The following WASF3 variants were observed in gnomAD, a reference collection of about 807,000 sequenced individuals.
WASF3 encodes the protein WASP family member 3, also known as actin-binding protein WASF3.
WASF3 carries 11 observed loss-of-function variants against 46.6 expected under a neutral mutation model. That is an observed-to-expected ratio of 0.24 (90% CI 0.15 to 0.39). WASF3 has a LOEUF of 0.39. WASF3 is among the 10% of genes least tolerant of loss of function. The pLI is 1.00. For missense variants in WASF3, 576 were observed against 669.8 expected, an observed-to-expected ratio of 0.86 and a Z score of 1.55; for synonymous variants, 242 against 259.7, an observed-to-expected ratio of 0.93 and a Z score of 0.65.
intron 1 of WASF3, among the ~76,000 whole-genome samples, chr13:26,600,838 C>T (rs999352619): frequency 3.3e-5 from 5 of 152,232 alleles, no homozygotes; most frequent in African/African-American, 1.2e-4. Context: ...TCCCTACACA[C>T]CCTCTCTCCA....
chr13:26,559,129 C>G (rs531766118), intron 1 of WASF3, among the ~76,000 whole-genome samples: 3 of 152,276 alleles, frequency 2.0e-5, no homozygotes, highest in Admixed American at 6.5e-5. Context: ...TTGACCTTTC[C>G]CAAAGGCATT....
intron 1 of WASF3, among the ~76,000 whole-genome samples, chr13:26,607,435 G>A (rs1880832048): frequency 6.6e-6 from 1 of 152,090 alleles, no homozygotes; most frequent in African/African-American, 2.4e-5. Context: ...GCAAAAAAAA[G>A]GCTGAAGAAA....
intron 9 of WASF3, among the ~76,000 whole-genome samples, chr13:26,684,887 A>G (rs1173652102): frequency 1.3e-5 from 2 of 152,202 alleles, no homozygotes; most frequent in African/African-American, 2.4e-5. Context: ...AATGGATACC[A>G]TCTTGGGCAA....
rs186425567 is a variant in WASF3 at position 26,590,121 on chromosome 13, T to C, written c.-108-22840T>C. On this transcript the variant is annotated intron_variant, in intron 1 of 9. Transcript: ENST00000335327. The stretch of plus-strand genomic sequence containing the variant: ...TAATATGCTTTGTCAGTCCTCAGTT[T>C]GTAAGACATTGTCAGAATGTTCTTG... Among the ~76,000 whole-genome samples the C allele has an allele frequency of 2.5e-3, 386 of 152,346 alleles. 2 individuals carry two copies. Among genetic ancestry groups the C allele is most frequent in the African/African-American group, 8.8e-3 (365 of 41,582 alleles).
intron 2 of WASF3, among the ~76,000 whole-genome samples, chr13:26,637,618 T>G (rs1383872143): frequency 2.0e-5 from 3 of 152,236 alleles, no homozygotes; most frequent in Non-Finnish European, 4.4e-5. Flanking sequence ...ATGCAGGGCA[T>G]TAGTACAATT....
At chr13:26,641,444 C>G (rs977871531) in intron 2 of WASF3, 2 of 152,210 alleles carry the variant, frequency 1.3e-5, no homozygotes, top group African/African-American at 2.4e-5. Flanking sequence ...GCGTGCCACA[C>G]AGAAAGCCAA....
chr13:26,602,560 G>A (rs1880672675), intron 1 of WASF3, among the ~76,000 whole-genome samples: 2 of 152,136 alleles, frequency 1.3e-5, no homozygotes, highest in Non-Finnish European at 2.9e-5. Context: ...TGCTGTGTTT[G>A]TCAGTTTTGT....
chr13:26,611,453 T>C (rs1880975537), intron 1 of WASF3, among the ~76,000 whole-genome samples: 2 of 152,228 alleles, frequency 1.3e-5, no homozygotes, highest in African/African-American at 4.8e-5. Context: ...AACACGTGAT[T>C]CTTAAACATA....
At chr13:26,649,359 A>AT (rs1882244189) in intron 3 of WASF3, among the ~76,000 whole-genome samples, 1 of 152,214 alleles carries the variant, frequency 6.6e-6, no homozygotes, top group Non-Finnish European at 1.5e-5. Context: ...GATGACCCCA[A>AT]TTTTGGAAAT....
intron 4 of WASF3, 56 bp downstream of exon 4, chr13:26,665,218 A>G: frequency 4.4e-6 from 7 of 1,588,718 alleles, no homozygotes; most frequent in Non-Finnish European, 5.1e-6. Context: ...GATGGTAGTA[A>G]TTAATTGCAG....
upstream of WASF3, among the ~76,000 whole-genome samples, chr13:26,557,448 G>A (rs1879124542): frequency 6.6e-6 from 1 of 152,220 alleles, no homozygotes; most frequent in Admixed American, 6.5e-5. Context: ...AAAGGACGCT[G>A]CCTAAGCCTC....
chr13:26,655,687 C>T (rs1187268322), intron 3 of WASF3, among the ~76,000 whole-genome samples: 1 of 152,146 alleles, frequency 6.6e-6, no homozygotes, highest in Non-Finnish European at 1.5e-5. Flanking sequence ...CATTCTGCTG[C>T]AAATGCTTTC....
rs1404419371 is a variant in WASF3, at chr13:26,682,940, T to C, written c.1317T>C (p.Asp439=). 1 of 1,608,456 alleles carries C rather than the reference T, an allele frequency of 6.2e-7. No homozygotes were observed. The highest frequency in any genetic ancestry group is 1.1e-5 in the South Asian group (1 of 91,070). Residue 439 remains aspartate, a synonymous_variant, in exon 9 of 10, where the codon GAT becomes GAC. Transcript: ENST00000335327. The surrounding 1 kb of genome is among the most constrained non-coding windows in gnomAD (Gnocchi z 4.4). The part of the protein sequence containing the change: ...RQEPAQPPIS[D]ARSDLLAAIR... ...AGCCTGCACAGCCACCAATCAGTGA[T>C]GCTCGAAGCGACCTCCTCGCTGCTA...
At chr13:26,675,473 GACACACATACACACAC>G (rs1209706070) in intron 6 of WASF3, among the ~76,000 whole-genome samples, 2 of 80,176 alleles carry the variant, frequency 2.5e-5, no homozygotes, top group Non-Finnish European at 4.6e-5. Context: ...TTCCAGACTA[GACACACATACACACAC>G]ACACACACAC....
rs1566077041 is a variant in WASF3, at chr13:26,685,912, A to T, written c.*67A>T. Reference sequence around the variant, plus strand: ...GATTTTAAGTGGTCTCTACACCCAAATAGTGGTATTCTAATCCCGTAGCAT... The same window carrying T: ...GATTTTAAGTGGTCTCTACACCCAATTAGTGGTATTCTAATCCCGTAGCAT... On this transcript the variant is annotated 3_prime_UTR_variant, in exon 10 of 10. Transcript: ENST00000335327. 1.3e-6 allele frequency: 2 copies of T among 1,574,916 alleles called. No individual in the cohort carries two copies. The highest frequency in any genetic ancestry group is 4.5e-5 in the East Asian group (2 of 43,984).
intron 1 of WASF3, among the ~76,000 whole-genome samples, chr13:26,559,826 T>TCTTTCTTTCTTTCTTTC (rs1240300106): frequency 1.5e-5 from 2 of 129,390 alleles, no homozygotes; most frequent in African/African-American, 2.8e-5. Context: ...TTTTTTTTTT[T>TCTTTCTTTCTTTCTTTC]TTTTTTTTGA....
intron 2 of WASF3, chr13:26,640,318 G>A (rs182905335): frequency 6.6e-6 from 1 of 152,198 alleles, no homozygotes; most frequent in East Asian, 1.9e-4. Flanking sequence ...ATTGTATGAA[G>A]ATGAGGCTGG....
At chr13:26,547,893 C>T in the WASF3 span, among the ~76,000 whole-genome samples, 1 of 152,096 alleles carries the variant, frequency 6.6e-6, no homozygotes, top group Non-Finnish European at 1.5e-5. Context: ...GGGCATGGGC[C>T]TGTTGGGTGA....
In WASF3 at chr13:26,671,989, G is replaced by GGTA; in HGVS notation, c.540+1_540+3dup. ...AAAGGAAAGAGAAAAGGCGTCAAAA[G>GGTA]GTAAATAATTTCAGTATGGGAAATG... On this transcript the variant is annotated inframe_insertion and splice_region_variant. Coordinates refer to ENST00000335327, the MANE Select transcript of WASF3 (RefSeq NM_006646.6). The GGTA allele has an allele frequency of 6.3e-7, 1 of 1,592,190 alleles. No individual in the cohort carries two copies.
Sources: allele counts gnomAD v4.1 joint callset (sites outside exome capture counted in the v4.1 genomes callset), GRCh38; gene constraint gnomAD v4.1.1; non-coding constraint Gnocchi (gnomAD v3.1); transcripts MANE v1.5; gene names NCBI Gene and HGNC (gene_info 2026-07-23, HGNC 2026-07-21).